Variants in PDE7B observed in about 807,000 individuals in gnomAD.
PDE7B encodes 3',5'-cyclic-AMP phosphodiesterase 7B.
A neutral mutation model predicts 56.2 loss-of-function variants in PDE7B; 29 were observed. That is an observed-to-expected ratio of 0.52 (90% CI 0.38 to 0.70). The LOEUF is 0.70. Among genes scored for constraint, PDE7B ranks in the 30% least tolerant of loss-of-function variants. PDE7B has a pLI of 0.00. For missense variants in PDE7B, 490 were observed against 565.0 expected (o/e 0.87, Z 1.35); for synonymous variants, 197 against 196.9 (o/e 1.00, Z 0.00).
chr6:135,985,677 C>T (rs1315056082), intron 2 of PDE7B, among the ~76,000 whole-genome samples: 1 of 152,156 alleles, frequency 6.6e-6, no homozygotes, highest in Non-Finnish European at 1.5e-5. Context: ...TATTTCTGTC[C>T]TTTAGAAGGA....
chr6:135,859,711 T>C (rs1369098024), intron 1 of PDE7B, among the ~76,000 whole-genome samples: 1 of 151,804 alleles, frequency 6.6e-6, no homozygotes, highest in East Asian at 1.9e-4. Flanking sequence ...CTTGACAAAA[T>C]GCATGTAAGA....
At chr6:135,934,551 ACT>A (rs1774357110) in intron 1 of PDE7B, among the ~76,000 whole-genome samples, 1 of 150,052 alleles carries the variant, frequency 6.7e-6, no homozygotes, top group African/African-American at 2.5e-5. Context: ...ACGTGGTGAA[ACT>A]CTGTCTCTAC....
intron 2 of PDE7B, among the ~76,000 whole-genome samples, chr6:136,046,988 G>A (rs1283215692): frequency 6.6e-6 from 1 of 152,124 alleles, no homozygotes; most frequent in South Asian, 2.1e-4. Context: ...GGAAGCAGAG[G>A]ATATGCACAA....
chr6:136,126,380 G>A (rs1181049731), intron 3 of PDE7B, among the ~76,000 whole-genome samples: 2 of 152,182 alleles, frequency 1.3e-5, no homozygotes, highest in Non-Finnish European at 2.9e-5. Flanking sequence ...CAACCACTAT[G>A]GAAAACAGTG....
intron 2 of PDE7B, among the ~76,000 whole-genome samples, chr6:136,003,062 C>G (rs1289750599): frequency 1.3e-5 from 2 of 152,034 alleles, no homozygotes; most frequent in Non-Finnish European, 2.9e-5. Flanking sequence ...CAAAACCACT[C>G]AACTACATGG....
At chr6:136,098,132 CT>C (rs1251803835) in intron 2 of PDE7B, 7 of 33,996 alleles carry the variant, frequency 2.1e-4, no homozygotes, top group East Asian at 1.1e-3. Flanking sequence ...TCTTTAGTTC[CT>C]GGGGGGGGGG....
In PDE7B at chr6:135,895,359, GA is replaced by G. The variant is rs1775880444; in HGVS notation, c.21+43343del. Among the ~76,000 whole-genome samples the G allele has an allele frequency of 2.0e-5, 3 of 152,236 alleles. No individual in the cohort carries two copies. The South Asian group carries it at 6.2e-4, about 32-fold the overall frequency. ...CCTGTTTATTTCTAACACGCCAAAT[GA>G]AATCACTGCCAAGTGTGAGATACTG... is the stretch of plus-strand genomic sequence containing the variant. On this transcript the variant is annotated intron_variant, in intron 1 of 12. Coordinates refer to ENST00000308191, the MANE Select transcript of PDE7B (RefSeq NM_018945.4).
rs1562445427 is a variant in PDE7B, at chr6:135,935,188, A to ATATATATATATT, written c.22-12275_22-12274insATATATATATTT. Among the ~76,000 whole-genome samples, 3 of 27,810 alleles carry ATATATATATATT rather than the reference A, an allele frequency of 1.1e-4. 1 individual carries two copies. The highest frequency in any genetic ancestry group is 6.9e-4 in the African/African-American group (3 of 4,364). 18.2% of individuals were successfully genotyped at this position (27,810 alleles called of 152,430 possible). On this transcript the variant is annotated intron_variant, in intron 1 of 12. Coordinates refer to ENST00000308191, the MANE Select transcript of PDE7B (RefSeq NM_018945.4). The stretch of plus-strand genomic sequence containing the variant: ...CAGAGAATTTTATATATATATATTT[A>ATATATATATATT]TTTATATATATATATATATATATAT...
rs117006246 is a variant in PDE7B at position 136,123,377 on chromosome 6, A to G, written c.166+14563A>G. ...ACAATTATGCCTCTTGATTATAACA[A>G]TAATTATTCTTTTAGAGGAAATATT... On this transcript the variant is annotated intron_variant, in intron 3 of 12. Coordinates refer to ENST00000308191, the MANE Select transcript of PDE7B (RefSeq NM_018945.4). 3.0e-4 allele frequency among the ~76,000 whole-genome samples: 46 copies of G among 152,322 alleles called. No homozygotes were observed. The East Asian group carries it at 5.4e-3, about 18-fold the overall frequency.
intron 1 of PDE7B, among the ~76,000 whole-genome samples, chr6:135,863,181 C>A (rs879447538): frequency 3.6e-4 from 55 of 152,040 alleles, no homozygotes; most frequent in Non-Finnish European, 2.1e-4. Flanking sequence ...TTCATCATAT[C>A]ATTGAAATCT....
chr6:135,934,193 T>C (rs542237462), intron 1 of PDE7B, among the ~76,000 whole-genome samples: 4 of 152,226 alleles, frequency 2.6e-5, no homozygotes, highest in East Asian at 3.9e-4. Context: ...CTACAAACCA[T>C]GAATAACATG....
At chr6:136,004,250 T>G (rs1237887418) in intron 2 of PDE7B, among the ~76,000 whole-genome samples, 5 of 152,208 alleles carry the variant, frequency 3.3e-5, no homozygotes. Flanking sequence ...AATATCATAC[T>G]GAATGGGCAA....
chr6:135,892,047 C>T (rs1020371729), intron 1 of PDE7B, among the ~76,000 whole-genome samples: 2 of 151,998 alleles, frequency 1.3e-5, no homozygotes, highest in Non-Finnish European at 2.9e-5. Context: ...AATTGATTTT[C>T]CTCTTTTCTG....
At chr6:136,095,807 T>C (rs1777462190) in intron 2 of PDE7B, 1 of 152,188 alleles carries the variant, frequency 6.6e-6, no homozygotes, top group South Asian at 2.1e-4. Context: ...ATATTGATAA[T>C]AGCACTGATC....
chr6:136,080,900 G>A (rs538758262), intron 2 of PDE7B, among the ~76,000 whole-genome samples: 92 of 152,296 alleles, frequency 6.0e-4, no homozygotes, highest in Middle Eastern at 3.4e-3. Flanking sequence ...CAAAAGGGGC[G>A]AGGGGAATGT....
chr6:136,079,690 C>T (rs1583869711), intron 2 of PDE7B, among the ~76,000 whole-genome samples: 1 of 143,548 alleles, frequency 7.0e-6, no homozygotes, highest in Non-Finnish European at 1.5e-5. Context: ...AGCCGGAAGT[C>T]GCAACTGAAG....
chr6:136,156,073 G>A, intron 8 of PDE7B: 1 of 409,522 alleles, frequency 2.4e-6, no homozygotes, highest in Non-Finnish European at 4.8e-6. Context: ...AGAATAAAGT[G>A]AGCCGCTGTT....
At chr6:136,018,464 T>C (rs1185804013) in intron 2 of PDE7B, among the ~76,000 whole-genome samples, 1 of 152,120 alleles carries the variant, frequency 6.6e-6, no homozygotes, top group African/African-American at 2.4e-5. Flanking sequence ...TGAGATCAAC[T>C]CCTCAACATC....
intron 8 of PDE7B, among the ~76,000 whole-genome samples, chr6:136,168,436 G>T (rs977534977): frequency 1.3e-5 from 2 of 151,524 alleles, no homozygotes; most frequent in African/African-American, 4.9e-5. Flanking sequence ...CAGAGATTTT[G>T]TCTTATTTAT....
Sources: allele counts gnomAD v4.1 joint callset (sites outside exome capture counted in the v4.1 genomes callset), GRCh38; gene constraint gnomAD v4.1.1; transcripts MANE v1.5; gene names NCBI Gene and HGNC (gene_info 2026-07-23, HGNC 2026-07-21).